Variants in ASAP1 observed in about 807,000 individuals in gnomAD.
The protein encoded by ASAP1 is ArfGAP with SH3 domain, ankyrin repeat and PH domain 1.
Under a neutral mutation model 145.2 loss-of-function variants are expected in ASAP1, and 43 were observed. The ratio of observed to expected loss-of-function variants is 0.30; its 90% CI spans 0.23 to 0.38. The LOEUF (loss-of-function observed/expected upper bound fraction) is 0.38. Among genes scored for constraint, ASAP1 ranks in the 10% least tolerant of loss-of-function variants. The probability of loss-of-function intolerance (pLI) is 1.00; values close to 1 mark genes in which losing one functional copy is unlikely to be tolerated. For synonymous variants in ASAP1, 546 were observed against 515.5 expected, an observed-to-expected ratio of 1.06 and a Z score of -0.80; for missense variants, 1,018 against 1,355.3, an observed-to-expected ratio of 0.75 and a Z score of 3.91.
At chr8:130,139,897 T>C (rs567028624) in intron 13 of ASAP1, among the ~76,000 whole-genome samples, 1 of 146,944 alleles carries the variant, frequency 6.8e-6, no homozygotes, top group South Asian at 2.1e-4. Flanking sequence ...TACCAACAGA[T>C]ACAACCAAGA....
At chr8:130,214,495 T>C in intron 5 of ASAP1, 61 bp downstream of exon 5, 1 of 1,473,974 alleles carries the variant, frequency 6.8e-7, no homozygotes, top group Non-Finnish European at 9.2e-7. Flanking sequence ...AAATGTTCTC[T>C]ATATGACGTA....
chr8:130,442,126 A>G (rs1830506727), intron 1 of ASAP1, among the ~76,000 whole-genome samples: 1 of 152,234 alleles, frequency 6.6e-6, no homozygotes, highest in Admixed American at 6.5e-5. Context: ...GCAGTTTGAA[A>G]TAAGTGCATA....
At chr8:130,269,558 C>A (rs1163003548) in intron 3 of ASAP1, among the ~76,000 whole-genome samples, 2 of 152,204 alleles carry the variant, frequency 1.3e-5, no homozygotes, top group East Asian at 3.8e-4. Flanking sequence ...ACCAAAGTCC[C>A]TCTCCAAGTT....
At chr8:130,425,908 GGAA>G (rs1468450035) in intron 1 of ASAP1, among the ~76,000 whole-genome samples, 2 of 152,184 alleles carry the variant, frequency 1.3e-5, no homozygotes, top group African/African-American at 4.8e-5. Flanking sequence ...AGTTGAGGGA[GGAA>G]GAAGAAATCC....
intron 24 of ASAP1, among the ~76,000 whole-genome samples, chr8:130,096,823 A>G (rs1456572104): frequency 6.6e-6 from 1 of 152,024 alleles, no homozygotes; most frequent in Admixed American, 6.6e-5. Flanking sequence ...TAAATAATCC[A>G]TGATCAGAAA....
At chr8:130,263,147 C>A (rs535127580) in intron 3 of ASAP1, among the ~76,000 whole-genome samples, 2 of 152,256 alleles carry the variant, frequency 1.3e-5, no homozygotes, top group South Asian at 4.1e-4. Flanking sequence ...ACAAAACTTA[C>A]CTTCAAAATG....
intron 2 of ASAP1, among the ~76,000 whole-genome samples, chr8:130,396,330 G>C (rs898205482): frequency 6.6e-6 from 1 of 152,208 alleles, no homozygotes; most frequent in African/African-American, 2.4e-5. Flanking sequence ...TTTGAGTGTA[G>C]GACCTGGCAC....
chr8:130,430,597 AAGG>A (rs1420789851), intron 1 of ASAP1, among the ~76,000 whole-genome samples: 1 of 152,158 alleles, frequency 6.6e-6, no homozygotes, highest in South Asian at 2.1e-4. Context: ...CTGAAGTTTT[AAGG>A]AGATTTCCCT....
intron 13 of ASAP1, among the ~76,000 whole-genome samples, chr8:130,141,607 G>C (rs2097611624): frequency 6.6e-6 from 1 of 152,138 alleles, no homozygotes; most frequent in African/African-American, 2.4e-5. Context: ...TCGGGTACTA[G>C]CAAGATCATG....
intron 3 of ASAP1, among the ~76,000 whole-genome samples, chr8:130,330,501 G>C (rs1824616298): frequency 6.6e-6 from 1 of 152,240 alleles, no homozygotes; most frequent in Non-Finnish European, 1.5e-5. Context: ...CTTTGGGACA[G>C]AAAGCATGTC....
intron 3 of ASAP1, among the ~76,000 whole-genome samples, chr8:130,271,514 C>T (rs1483278782): frequency 6.6e-6 from 1 of 152,234 alleles, no homozygotes; most frequent in Non-Finnish European, 1.5e-5. Flanking sequence ...TCCATTTCTA[C>T]ATGTACCGCT....
At chr8:130,399,814 CTT>C (rs66587581) in intron 2 of ASAP1, among the ~76,000 whole-genome samples, 56 of 124,504 alleles carry the variant, frequency 4.5e-4, no homozygotes, top group Middle Eastern at 4.0e-3. Context: ...AAGTCAGTGT[CTT>C]TTTTTTTTTT....
chr8:130,249,843 T>G (rs1010866450), intron 3 of ASAP1, among the ~76,000 whole-genome samples: 1 of 152,096 alleles, frequency 6.6e-6, no homozygotes, highest in South Asian at 2.1e-4. Context: ...CCATCTAAAT[T>G]TGACTGCCCC....
intron 3 of ASAP1, among the ~76,000 whole-genome samples, chr8:130,330,663 C>T (rs948946543): frequency 3.3e-5 from 5 of 152,188 alleles, no homozygotes; most frequent in East Asian, 1.9e-4. Flanking sequence ...ATTTGTCTTA[C>T]GGGTAAGCTT....
chr8:130,302,104 TA>T (rs1195014316), intron 3 of ASAP1, among the ~76,000 whole-genome samples: 2 of 152,264 alleles, frequency 1.3e-5, no homozygotes, highest in South Asian at 4.1e-4. Flanking sequence ...AGCTATAGTC[TA>T]ACATTAGGTA....
intron 1 of ASAP1, among the ~76,000 whole-genome samples, chr8:130,434,739 C>G (rs1482634209): frequency 6.6e-6 from 1 of 152,054 alleles, no homozygotes; most frequent in East Asian, 1.9e-4. Context: ...CAATGACATG[C>G]AAAAATTCCA....
chr8:130,364,230 G>C (rs1056128549), intron 2 of ASAP1, among the ~76,000 whole-genome samples: 3 of 152,188 alleles, frequency 2.0e-5, no homozygotes, highest in Admixed American at 6.5e-5. Flanking sequence ...GAAGAAAAGA[G>C]GCAGAATGGT....
At chr8:130,329,320 T>C (rs1463622732) in intron 3 of ASAP1, among the ~76,000 whole-genome samples, 1 of 152,226 alleles carries the variant, frequency 6.6e-6, no homozygotes, top group Non-Finnish European at 1.5e-5. Flanking sequence ...GGAACCTCCC[T>C]TGATGAAGAT....
intron 17 of ASAP1, among the ~76,000 whole-genome samples, chr8:130,125,581 A>T (rs867400266): frequency 8.5e-5 from 13 of 152,196 alleles, no homozygotes; most frequent in African/African-American, 2.7e-4. Context: ...AAATTGAGAT[A>T]AACTCTTTAG....
Sources: gnomAD v4.1 joint callset for allele counts (sites outside exome capture counted in the v4.1 genomes callset) on GRCh38, gnomAD v4.1.1 for gene constraint, MANE v1.5 for transcripts, NCBI Gene and HGNC (gene_info 2026-07-23, HGNC 2026-07-21) for gene names.